SCRIB: variants seen among roughly 807,000 people sequenced by gnomAD.
The protein encoded by SCRIB is protein scribble homolog.
A neutral mutation model predicts 170.0 loss-of-function variants in SCRIB; 72 were observed. The observed-to-expected ratio is 0.42, with a 90% confidence interval of 0.35 to 0.52. SCRIB has a LOEUF of 0.52. Among genes scored for constraint, SCRIB ranks in the 20% least tolerant of loss-of-function variants. The pLI, the probability that SCRIB is intolerant of heterozygous loss-of-function variation, is 0.02. For missense variants in SCRIB, 2,475 were observed against 2,338.5 expected (o/e 1.06, Z -1.20); for synonymous variants, 1,298 against 1,044.3 (o/e 1.24, Z -4.68).
chr8:143,799,160 T>C (rs1487042783), intron 24 of SCRIB, among the ~76,000 whole-genome samples: 1 of 152,196 alleles, frequency 6.6e-6, no homozygotes, highest in Non-Finnish European at 1.5e-5. Flanking sequence ...CCTAGGTCTT[T>C]CCTGCAGGAG....
intron 1 of SCRIB, chr8:143,814,882 G>C: frequency 6.3e-6 from 2 of 317,644 alleles, no homozygotes; most frequent in Non-Finnish European, 5.8e-6. Flanking sequence ...CTCCAGAGCG[G>C]CCCAAGAAGC....
At chr8:143,808,315 G>T (rs1206423688) in intron 15 of SCRIB, among the ~76,000 whole-genome samples, 1 of 152,010 alleles carries the variant, frequency 6.6e-6, no homozygotes, top group East Asian at 2.0e-4. Context: ...GGGCAGGCCT[G>T]GGGTCCAAGC....
intron 28 of SCRIB, 127 bp from the exon 29 acceptor site, chr8:143,793,210 T>C: frequency 1.8e-6 from 1 of 553,022 alleles, no homozygotes; most frequent in South Asian, 3.0e-5. Context: ...ACCATCCTGC[T>C]GGGGAAGGAG....
At chr8:143,810,441 G>A (rs1282957748) in intron 13 of SCRIB, 38 bp downstream of exon 13, 3 of 1,596,218 alleles carry the variant, frequency 1.9e-6, no homozygotes, top group Non-Finnish European at 2.5e-6. Context: ...CAGCTCCCGG[G>A]TCAGCGGCCC....
At chr8:143,813,976 C>A in intron 2 of SCRIB, 25 bp downstream of exon 2, 2 of 1,572,052 alleles carry the variant, frequency 1.3e-6, no homozygotes, top group Non-Finnish European at 1.7e-6. Flanking sequence ...CCAGACCCCA[C>A]CCAGCCCCTG....
In SCRIB at chr8:143,792,082, C is replaced by T. The variant is rs1554632892; in HGVS notation, c.4566G>A (p.Arg1522=). 6.3e-7 allele frequency: 1 copy of T among 1,595,438 alleles called. No individual in the cohort carries two copies. ...CCCGCGTGCCCCGGCCTTCCTGGGA[C>T]CTGCTGAGGACCATCTGTGCTCGGA... ...DALRAQMVLS[R]SQEGRGTRGP... is the part of the protein sequence containing the mutation. The change falls in exon 33 of 37, where the codon AGG becomes AGA. Residue 1522 remains arginine, a synonymous_variant. Coordinates refer to ENST00000356994, the MANE Select transcript of SCRIB (RefSeq NM_182706.5).
At position 143,804,577 on chromosome 8, in the gene SCRIB, G is replaced by T; in HGVS notation, c.3000C>A (p.Tyr1000Ter). 1 of 1,512,646 alleles carries T rather than the reference G, an allele frequency of 6.6e-7. No individual in the cohort carries two copies. Among genetic ancestry groups the T allele is most frequent in the African/African-American group, 1.4e-5 (1 of 72,160 alleles). 93.7% of individuals were successfully genotyped at this position (1,512,646 alleles called of 1,614,324 possible). ...SLLAAALEGP[Y>*]PVEEIRLPRA... The stretch of plus-strand genomic sequence containing the variant: ...GGGGCTTGTGTCTCACCTCCACTGG[G>T]TATGGCCCTTCCAACGCGGCAGCCA... Residue 1000 changes from tyrosine to a stop codon, truncating the protein, a stop_gained, in exon 21 of 37, where the codon TAC becomes TAA. Coordinates refer to ENST00000356994, the MANE Select transcript of SCRIB (RefSeq NM_182706.5). LOFTEE classifies it high-confidence loss of function.
chr8:143,809,002 G>T lies in SCRIB; in HGVS notation c.1722C>A (p.Asp574Glu). 6.2e-7 allele frequency: 1 copy of T among 1,612,678 alleles called. No individual in the cohort carries two copies. The highest frequency in any genetic ancestry group is 8.5e-7 in the Non-Finnish European group (1 of 1,179,744). The change falls in exon 15 of 37, where the codon GAC becomes GAA. Residue 574 changes from aspartate to glutamate, a missense_variant. Transcript: ENST00000356994. ...CCCTGTCATCCCCGGGCAGCAGTGC[G>T]TCCTCTGCGAAATGCACCGTGGGCT... ...YQEPTVHFAE[D>E]ALLPGDDREI...
In SCRIB at chr8:143,813,137, G is replaced by A. The variant is rs775463487; in HGVS notation, c.568-33C>T. ...AAGGAACAGAGAAAATAGTGACTAT[G>A]AGGCAAAGCCTCCTGCTGCGCCGTG... On this transcript the variant is annotated intron_variant, in intron 6 of 36. Coordinates refer to ENST00000356994, the MANE Select transcript of SCRIB (RefSeq NM_182706.5). 4.4e-6 allele frequency: 7 copies of A among 1,573,424 alleles called. No individual in the cohort carries two copies. The Admixed American group carries it at 1.1e-4, about 25-fold the overall frequency.
intron 28 of SCRIB, 154 bp from the exon 29 acceptor site, chr8:143,793,237 C>T: frequency 1.9e-6 from 1 of 529,082 alleles, no homozygotes; most frequent in Admixed American, 3.7e-5. Context: ...CCACCCCCAC[C>T]CACGGGACAG....
Position 143,815,558 on chromosome 8 carries a change from C to G in SCRIB, c.-186G>C. The G allele has an allele frequency of 2.0e-6, 2 of 979,336 alleles. No individual in the cohort carries two copies. Among genetic ancestry groups the G allele is most frequent in the Non-Finnish European group, 2.4e-6 (2 of 827,574 alleles). The allele number at this position is 979,336 out of a possible 1,614,324, so 60.7% of individuals were successfully genotyped here. A position where few individuals can be genotyped will look rare whatever the true frequency, so the allele number is the denominator to read the frequency against. On this transcript the variant is annotated 5_prime_UTR_variant, in exon 1 of 37. Coordinates refer to ENST00000356994, the MANE Select transcript of SCRIB (RefSeq NM_182706.5). ...CCGGCCCGCGCTCGGAACGCTCGGA[C>G]TGCGGGCCTGGGCAGGGGGCGCGGC...
rs1479468785 is a variant in SCRIB, at chr8:143,803,648, T to C, written c.3413A>G (p.Lys1138Arg). ...DPTDEGIFIS[K>R]VSPTGAAGRD... ...CGGGCTGGGGTGGGGGGGGCTCACC[T>C]TGGAGATGAAGATGCCCTCGTCTGT... Residue 1138 changes from lysine to arginine, a missense_variant and splice_region_variant, in exon 23 of 37, where the codon AAG becomes AGG. Around this residue, in one of 3 missense-constraint regions of SCRIB, gnomAD observed 1,966 missense variants for 1,742.9 expected, o/e 1.13. Coordinates refer to ENST00000356994, the MANE Select transcript of SCRIB (RefSeq NM_182706.5). 3 of 1,550,204 alleles carry C rather than the reference T, an allele frequency of 1.9e-6. No individual in the cohort carries two copies. The African/African-American group carries it at 4.1e-5, about 21-fold the overall frequency.
Position 143,791,884 on chromosome 8 carries a change from C to T in SCRIB, c.4687G>A (p.Gly1563Arg). Residue 1563 changes from glycine (G) to arginine (R), a missense_variant, in exon 34 of 37, where the codon GGA (glycine) becomes AGA (arginine). Coordinates refer to ENST00000356994, the MANE Select transcript of SCRIB (RefSeq NM_182706.5). ...DLGPQTSTSP[G>R]RLPLSGKKFD... ...AGCCACCGGCTCCTCACCAGGCGTC[C>T]CGGGGAGGTGCTGGTCTGGGGGCCG... 1 of 1,522,942 alleles carries T rather than the reference C, an allele frequency of 6.6e-7. No homozygotes were observed. Among genetic ancestry groups the T allele is most frequent in the South Asian group, 1.3e-5 (1 of 79,014 alleles). 94.3% of individuals were successfully genotyped at this position (1,522,942 alleles called of 1,614,324 possible). A position where few individuals can be genotyped will look rare whatever the true frequency, so the allele number is the denominator to read the frequency against.
chr8:143,812,886 C>T lies in SCRIB; in HGVS notation c.718G>A (p.Gly240Ser), dbSNP rs768399361. The T allele has an allele frequency of 6.2e-6, 10 of 1,610,118 alleles. No individual in the cohort carries two copies. The highest frequency in any genetic ancestry group is 1.3e-5 in the African/African-American group (1 of 74,932). Residue 240 changes from glycine (G) to serine (S), a missense_variant, in exon 8 of 37, where the codon GGC becomes AGC. Transcript: ENST00000356994. ...AGGTCAGTGAGCAGCACCAGCCCGC[C>T]GAGCTCAGCAGGCAGCTCCTCCAGC... ...NRLEELPAEL[G>S]GLVLLTDLLL... is the part of the protein sequence containing the mutation.
At chr8:143,800,034 C>G (rs535297661) in intron 24 of SCRIB, among the ~76,000 whole-genome samples, 1 of 126,786 alleles carries the variant, frequency 7.9e-6, no homozygotes, top group Non-Finnish European at 1.7e-5. Context: ...TGAAGCCCCC[C>G]CCCCACCCCA....
Position 143,811,349 on chromosome 8 carries a change from G to A in SCRIB, c.907-4C>T, listed in dbSNP as rs200867608. 5.3e-4 allele frequency: 855 copies of A among 1,610,570 alleles called. 1 individual carries two copies. Among genetic ancestry groups the A allele is most frequent in the Non-Finnish European group, 6.7e-4 (793 of 1,178,304 alleles). On this transcript the variant is annotated splice_polypyrimidine_tract_variant and splice_region_variant and intron_variant, in intron 9 of 36. Coordinates refer to ENST00000356994, the MANE Select transcript of SCRIB (RefSeq NM_182706.5). Reference sequence around the variant, plus strand: ...TTCCCAGGGAGCGGGGCAGGGCCTGGCCAAGAAGAGGAGGTCAGAGGACGC... The same window carrying A: ...TTCCCAGGGAGCGGGGCAGGGCCTGACCAAGAAGAGGAGGTCAGAGGACGC...
Position 143,812,807 on chromosome 8 carries a change from G to A in SCRIB, c.787+10C>T, listed in dbSNP as rs1301638205. On this transcript the variant is annotated intron_variant, in intron 8 of 36. Transcript: ENST00000356994. ...GTGTGCCCCACCCAGGCACCCCCAG[G>A]CACACTAACCGATGCCGTCGGGCAG... 3 of 1,596,274 alleles carry A rather than the reference G, an allele frequency of 1.9e-6. No homozygotes were observed. Among genetic ancestry groups the A allele is most frequent in the East Asian group, 2.2e-5 (1 of 44,776 alleles).
At chr8:143,812,532 C>CT (rs11404566) in intron 8 of SCRIB, 148 bp from the exon 9 acceptor site, 659,254 of 723,308 alleles carry the variant, frequency 0.91, 301,063 homozygotes, top group East Asian at 0.98. Flanking sequence ...CCTACCTTGC[C>CT]CCACAAGCCT....
intron 28 of SCRIB, chr8:143,793,573 G>T (rs4875055): frequency 8.5e-6 from 3 of 351,604 alleles, no homozygotes; most frequent in Non-Finnish European, 1.5e-5. Flanking sequence ...GGGGGGGCAA[G>T]GACCCCCAGA....
Sources: gnomAD v4.1 joint callset for allele counts (sites outside exome capture counted in the v4.1 genomes callset) on GRCh38, gnomAD v4.1.1 for gene constraint, gnomAD v4.1.1 regional missense constraint, MANE v1.5 for transcripts, NCBI Gene and HGNC (gene_info 2026-07-23, HGNC 2026-07-21) for gene names.